Variants in CFAP92 observed in about 807,000 individuals in gnomAD.
CFAP92 encodes uncharacterized protein CFAP92.
A neutral mutation model predicts 106.3 loss-of-function variants in CFAP92; 86 were observed. That is an observed-to-expected ratio of 0.81 (90% CI 0.68 to 0.97). The LOEUF is 0.97. Ranked by LOEUF, CFAP92 falls within the 50% of genes least tolerant of loss-of-function variation. The pLI is 0.00. For synonymous variants in CFAP92, 477 were observed against 506.4 expected (o/e 0.94, Z 0.78); for missense variants, 1,204 against 1,283.8 (o/e 0.94, Z 0.95).
chr3:128,937,681 T>C (rs1939189638), intron 10 of CFAP92, among the ~76,000 whole-genome samples: 1 of 152,092 alleles, frequency 6.6e-6, no homozygotes, highest in South Asian at 2.1e-4. Context: ...ACTGTGTCAA[T>C]CAACAGTAGT....
chr3:129,010,346 G>T, the CFAP92 span, among the ~76,000 whole-genome samples: 1 of 152,376 alleles, frequency 6.6e-6, no homozygotes, highest in South Asian at 2.1e-4. This position sits in a 1 kb window ranked among gnomAD's most constrained non-coding sequence, Gnocchi z 4.3. Context: ...CACCGGGGCA[G>T]GGCAGGCAGC....
At chr3:128,992,154 C>T (rs1352241600) in intron 2 of CFAP92, among the ~76,000 whole-genome samples, 1 of 152,236 alleles carries the variant, frequency 6.6e-6, no homozygotes, top group African/African-American at 2.4e-5. Flanking sequence ...ACCTCAGGTT[C>T]CTGTGTGCAG....
At chr3:128,922,379 G>C (rs749580910) in intron 12 of CFAP92, among the ~76,000 whole-genome samples, 1 of 151,926 alleles carries the variant, frequency 6.6e-6, no homozygotes, top group African/African-American at 2.4e-5. Flanking sequence ...TTAGTTCCTC[G>C]ACTCAGTGGT....
intron 10 of CFAP92, among the ~76,000 whole-genome samples, chr3:128,939,986 C>T (rs931781856): frequency 2.6e-5 from 4 of 152,194 alleles, no homozygotes; most frequent in African/African-American, 7.2e-5. Context: ...GGGTTGGAGA[C>T]GCCTGTACTA....
chr3:128,946,025 C>G, intron 9 of CFAP92, 50 bp from the exon 10 acceptor site: 1 of 1,340,488 alleles, frequency 7.5e-7, no homozygotes, highest in Non-Finnish European at 9.8e-7. Flanking sequence ...AGGACAGTCA[C>G]TCAGCCCCAG....
At chr3:128,921,068 G>C (rs79080568) in intron 12 of CFAP92, among the ~76,000 whole-genome samples, 7 of 152,028 alleles carry the variant, frequency 4.6e-5, no homozygotes, top group African/African-American at 1.7e-4. Flanking sequence ...TCCAGAGCTC[G>C]GGGCCTTCAC....
chr3:128,951,719 A>G (rs373964814), intron 9 of CFAP92, among the ~76,000 whole-genome samples: 3 of 152,168 alleles, frequency 2.0e-5, no homozygotes, highest in African/African-American at 7.2e-5. Context: ...CAGAACAGCA[A>G]ACTTTTAGGC....
At chr3:129,010,695 G>A in the CFAP92 span, among the ~76,000 whole-genome samples, 4 of 152,220 alleles carry the variant, frequency 2.6e-5, no homozygotes, top group Admixed American at 2.6e-4. The surrounding 1 kb of genome is among the most constrained non-coding windows in gnomAD (Gnocchi z 4.3). Flanking sequence ...GATGAGTGGG[G>A]GCGAGCAGAG....
chr3:128,997,257 T>C (rs918135354), upstream of CFAP92, among the ~76,000 whole-genome samples: 5 of 152,232 alleles, frequency 3.3e-5, no homozygotes, highest in Non-Finnish European at 5.9e-5. Context: ...TGGAAGCATA[T>C]TGGGAATCAG....
chr3:129,016,700 C>G, the CFAP92 span, among the ~76,000 whole-genome samples: 1 of 152,110 alleles, frequency 6.6e-6, no homozygotes, highest in Non-Finnish European at 1.5e-5. Context: ...CCCCACTTCT[C>G]TGGTCAAACC....
chr3:128,969,585 A>AG (rs1491171851), intron 8 of CFAP92: 1 of 147,720 alleles, frequency 6.8e-6, no homozygotes, highest in African/African-American at 2.7e-5. Context: ...AAAAAAAAAA[A>AG]GAGAGAGGGG....
At chr3:128,955,989 G>A (rs1380240144) in intron 9 of CFAP92, among the ~76,000 whole-genome samples, 1 of 69,880 alleles carries the variant, frequency 1.4e-5, no homozygotes, top group Non-Finnish European at 2.5e-5. Context: ...TGCTCGTTAA[G>A]AGTCATCACC....
chr3:128,948,211 G>A (rs1296036446), intron 9 of CFAP92, among the ~76,000 whole-genome samples: 2 of 151,866 alleles, frequency 1.3e-5, no homozygotes, highest in Non-Finnish European at 2.9e-5. Context: ...TATTTATGGT[G>A]AGACAGGGTC....
At chr3:128,999,115 G>A (rs1180156519), upstream of CFAP92, among the ~76,000 whole-genome samples, 3 of 152,090 alleles carry the variant, frequency 2.0e-5, no homozygotes, top group Non-Finnish European at 4.4e-5. Context: ...ACTGACTTCA[G>A]AAAATCATTT....
At chr3:129,004,094 G>C (rs1001021142), upstream of CFAP92, 1 of 1,475,678 alleles carries the variant, frequency 6.8e-7, no homozygotes, top group African/African-American at 1.5e-5. Context: ...GGGGGCGCGT[G>C]CCCTGGGCCC....
At chr3:128,968,753 A>G (rs147668817) in intron 8 of CFAP92, 4 of 152,474 alleles carry the variant, frequency 2.6e-5, no homozygotes, top group South Asian at 2.1e-4. Flanking sequence ...TTGGTCACCA[A>G]AGTTCTTACA....
the CFAP92 span, among the ~76,000 whole-genome samples, chr3:129,020,159 T>C: frequency 6.6e-6 from 1 of 152,168 alleles, no homozygotes; most frequent in Non-Finnish European, 1.5e-5. Flanking sequence ...TGCAGAAATT[T>C]ATGCATTTAT....
chr3:128,915,743 G>A (rs182682458), intron 13 of CFAP92, among the ~76,000 whole-genome samples, 180 bp from the exon 14 acceptor site: 28 of 152,306 alleles, frequency 1.8e-4, no homozygotes, highest in African/African-American at 6.3e-4. Flanking sequence ...CCCCTTTGAT[G>A]GGAGAAGCCG....
In CFAP92 at chr3:128,972,418, T is replaced by A. The variant is rs576962428; in HGVS notation, c.1022-985A>T. 1.1e-3 allele frequency among the ~76,000 whole-genome samples: 160 copies of A among 152,112 alleles called. 1 individual carries two copies. Among genetic ancestry groups the A allele is most frequent in the African/African-American group, 3.8e-3 (157 of 41,510 alleles). ...TACCACGCCCAGCTAATTTTTGTAT[T>A]TTTAATAGAGATGAGGTTTCACCAT... On this transcript the variant is annotated intron_variant, in intron 7 of 15. Transcript: ENST00000645291.
Sources: gnomAD v4.1 joint callset for allele counts (sites outside exome capture counted in the v4.1 genomes callset) on GRCh38, gnomAD v4.1.1 for gene constraint, Gnocchi (gnomAD v3.1) non-coding constraint, MANE v1.5 for transcripts, NCBI Gene and HGNC (gene_info 2026-07-23, HGNC 2026-07-21) for gene names.